NAALADL2: variants seen among roughly 807,000 people sequenced by gnomAD.
NAALADL2 encodes inactive N-acetylated-alpha-linked acidic dipeptidase-like protein 2.
A neutral mutation model predicts 87.2 loss-of-function variants in NAALADL2; 76 were observed. That is an observed-to-expected ratio of 0.87 (90% CI 0.72 to 1.05). NAALADL2 has a LOEUF of 1.05. NAALADL2 is among the 50% of genes least tolerant of loss of function. The pLI, the probability that NAALADL2 is intolerant of heterozygous loss-of-function variation, is 0.00. For missense variants in NAALADL2, 1,089 were observed against 945.8 expected, an observed-to-expected ratio of 1.15 and a Z score of -1.99; for synonymous variants, 354 against 331.0, an observed-to-expected ratio of 1.07 and a Z score of -0.75.
intron 9 of NAALADL2, among the ~76,000 whole-genome samples, chr3:175,472,782 C>T (rs1489547583): frequency 6.6e-6 from 1 of 152,050 alleles, no homozygotes; most frequent in Non-Finnish European, 1.5e-5. Context: ...TAAAATCAGC[C>T]AATCCCCTGT....
At chr3:175,447,413 T>G (rs2161041) in intron 6 of NAALADL2, 41 bp downstream of exon 6, 1,160,249 of 1,409,842 alleles carry the variant, frequency 0.82, 478,711 homozygotes, top group East Asian at 0.95. Context: ...TACAGTTTTT[T>G]TAAAGACCAT....
intron 3 of NAALADL2, among the ~76,000 whole-genome samples, chr3:174,805,998 C>T (rs779431778): frequency 4.6e-5 from 7 of 152,132 alleles, no homozygotes; most frequent in Non-Finnish European, 1.0e-4. Flanking sequence ...GCCTCCGTAG[C>T]AGCAGCTACT....
intron 1 of NAALADL2, among the ~76,000 whole-genome samples, chr3:174,872,286 A>C (rs1727926125): frequency 6.6e-6 from 1 of 152,186 alleles, no homozygotes; most frequent in Non-Finnish European, 1.5e-5. Flanking sequence ...TTTAAGAGTC[A>C]CGTCCACCAC....
At chr3:174,813,669 T>C (rs546013698) in intron 3 of NAALADL2, among the ~76,000 whole-genome samples, 2 of 152,298 alleles carry the variant, frequency 1.3e-5, no homozygotes, top group Non-Finnish European at 2.9e-5. Context: ...TTTATTTTTT[T>C]CATAGACAAA....
intron 2 of NAALADL2, among the ~76,000 whole-genome samples, chr3:175,119,933 A>G (rs1256822553): frequency 7.3e-6 from 1 of 136,680 alleles, no homozygotes; most frequent in African/African-American, 2.8e-5. Context: ...AGGATGAATT[A>G]TATGAGGAAA....
chr3:174,508,315 GT>G (rs1292189703), intron 1 of NAALADL2, among the ~76,000 whole-genome samples: 5 of 151,982 alleles, frequency 3.3e-5, no homozygotes, highest in Admixed American at 2.0e-4. Context: ...GGGTTTCACT[GT>G]GTTAGCCAGG....
chr3:174,631,261 T>C (rs1438722557), intron 2 of NAALADL2, among the ~76,000 whole-genome samples: 1 of 152,194 alleles, frequency 6.6e-6, no homozygotes, highest in Admixed American at 6.5e-5. Context: ...GACTATAATG[T>C]TCCAGTCTTA....
At chr3:175,507,846 C>T (rs1730565474) in intron 9 of NAALADL2, among the ~76,000 whole-genome samples, 1 of 152,144 alleles carries the variant, frequency 6.6e-6, no homozygotes. Context: ...TGGTTTTGTC[C>T]TCAGGTTTTT....
chr3:175,784,318 G>C (rs1241183472), intron 13 of NAALADL2, among the ~76,000 whole-genome samples: 4 of 152,110 alleles, frequency 2.6e-5, no homozygotes, highest in Non-Finnish European at 2.9e-5. Context: ...ATTCGGCTGT[G>C]AATCCATCTG....
At chr3:175,432,149 T>C (rs1461394599) in intron 5 of NAALADL2, among the ~76,000 whole-genome samples, 2 of 152,076 alleles carry the variant, frequency 1.3e-5, no homozygotes, top group Non-Finnish European at 2.9e-5. Flanking sequence ...ATTACATTAT[T>C]TCTGAGCTTT....
chr3:175,597,528 G>A (rs777038176), intron 10 of NAALADL2, among the ~76,000 whole-genome samples: 4 of 151,888 alleles, frequency 2.6e-5, no homozygotes, highest in Non-Finnish European at 4.4e-5. Flanking sequence ...TATCTATAGA[G>A]TGAGAGTCAT....
At chr3:174,838,021 G>GAAAAAAAAAA (rs77681462) in intron 3 of NAALADL2, among the ~76,000 whole-genome samples, 1 of 71,938 alleles carries the variant, frequency 1.4e-5, no homozygotes, top group Non-Finnish European at 2.8e-5. Flanking sequence ...AACCAAAAAA[G>GAAAAAAAAAA]AAAAAAAAAA....
chr3:175,282,911 CTTT>C (rs77457477), intron 4 of NAALADL2, among the ~76,000 whole-genome samples: 2 of 137,208 alleles, frequency 1.5e-5, no homozygotes. Flanking sequence ...TTTCTGTCTT[CTTT>C]TTTTTTTTTT....
chr3:175,320,514 C>A (rs531662573), intron 4 of NAALADL2, among the ~76,000 whole-genome samples: 3 of 152,240 alleles, frequency 2.0e-5, no homozygotes, highest in African/African-American at 4.8e-5. Context: ...ACCAAGATGA[C>A]TAGTATACTG....
chr3:175,676,949 A>G (rs1351119424), intron 11 of NAALADL2: 2 of 152,230 alleles, frequency 1.3e-5, no homozygotes, highest in African/African-American at 4.8e-5. Context: ...AAGAGCCACA[A>G]CTACCTGTTT....
chr3:174,949,759 A>AC (rs1388441047), intron 1 of NAALADL2, among the ~76,000 whole-genome samples: 3 of 152,214 alleles, frequency 2.0e-5, no homozygotes, highest in Non-Finnish European at 4.4e-5. Flanking sequence ...AAACAAAGTT[A>AC]CCCTTAGCTA....
At position 175,343,655 on chromosome 3, in the gene NAALADL2, G is replaced by GTTTTTTTT. The variant is rs113806607; in HGVS notation, c.1090+19344_1090+19351dup. Among the ~76,000 whole-genome samples the GTTTTTTTT allele has an allele frequency of 2.5e-4, 16 of 64,708 alleles. 1 individual carries two copies. Among genetic ancestry groups the GTTTTTTTT allele is most frequent in the East Asian group, 6.4e-4 (1 of 1,562 alleles). 42.5% of individuals were successfully genotyped at this position (64,708 alleles called of 152,430 possible). On this transcript the variant is annotated intron_variant, in intron 5 of 13. Coordinates refer to ENST00000454872, the MANE Select transcript of NAALADL2 (RefSeq NM_207015.3). ...TGGAGTTCCTGTGTGTCTTGATCATGTTTTTTTTTTTTTTTTTTTTTCCCT... is the reference window on the plus strand; with the variant it reads ...TGGAGTTCCTGTGTGTCTTGATCATGTTTTTTTTTTTTTTTTTTTTTTTTTTTTTCCCT...
intron 2 of NAALADL2, among the ~76,000 whole-genome samples, chr3:174,705,759 G>C (rs1730006434): frequency 6.7e-6 from 1 of 149,486 alleles, no homozygotes; most frequent in East Asian, 2.0e-4. Flanking sequence ...CTCCAGCCTG[G>C]GCGACAGAGC....
At chr3:174,687,326 A>T (rs57233963) in intron 2 of NAALADL2, among the ~76,000 whole-genome samples, 11,967 of 152,132 alleles carry the variant, frequency 0.079, 660 homozygotes, top group South Asian at 0.27. Context: ...TTCAAAAGTG[A>T]CTCACAACCC....
Sources: allele counts gnomAD v4.1 joint callset (sites outside exome capture counted in the v4.1 genomes callset), GRCh38; gene constraint gnomAD v4.1.1; transcripts MANE v1.5; gene names NCBI Gene and HGNC (gene_info 2026-07-23, HGNC 2026-07-21).